IL1RAPL1: variants seen among roughly 807,000 people sequenced by gnomAD.
The protein encoded by IL1RAPL1 is interleukin-1 receptor accessory protein-like 1.
IL1RAPL1 carries 3 observed loss-of-function variants against 48.4 expected under a neutral mutation model. That is an observed-to-expected ratio of 0.06 (90% CI 0.03 to 0.16). IL1RAPL1 has a LOEUF of 0.16. IL1RAPL1 is among the 10% of genes least tolerant of loss of function. The pLI is 1.00. For synonymous variants in IL1RAPL1, 185 were observed against 187.7 expected (o/e 0.99, Z 0.12); for missense variants, 349 against 530.6 (o/e 0.66, Z 3.36).
At chrX:29,455,171 G>A (rs1179694306) in intron 5 of IL1RAPL1, among the ~76,000 whole-genome samples, 1 of 111,210 alleles carries the variant, frequency 9.0e-6, no homozygotes, top group Non-Finnish European at 1.9e-5. Flanking sequence ...CATGGCACAC[G>A]TTTACCTATG....
At chrX:29,895,768 C>T (rs1932371838) in intron 6 of IL1RAPL1, among the ~76,000 whole-genome samples, 1 of 112,069 alleles carries the variant, frequency 8.9e-6, no homozygotes, top group Admixed American at 9.5e-5. Context: ...ATTGCTGACA[C>T]ATTGAGTGTG....
intron 7 of IL1RAPL1, among the ~76,000 whole-genome samples, chrX:29,918,144 A>AAAAAAAAATATATAT (rs1555935868): frequency 1.3e-4 from 3 of 23,755 alleles, no homozygotes; most frequent in Non-Finnish European, 2.0e-4. Context: ...AAAAAAAAAA[A>AAAAAAAAATATATAT]ATATATATAT....
chrX:29,151,582 G>T (rs967443224), intron 2 of IL1RAPL1, among the ~76,000 whole-genome samples: 1 of 111,637 alleles, frequency 9.0e-6, no homozygotes, highest in Non-Finnish European at 1.9e-5. Context: ...ACCAATAAAA[G>T]GTGTGTTATC....
At chrX:29,533,561 T>C (rs374667665) in intron 5 of IL1RAPL1, among the ~76,000 whole-genome samples, 1 of 112,115 alleles carries the variant, frequency 8.9e-6, no homozygotes, top group East Asian at 2.8e-4. Flanking sequence ...CTATGAATGT[T>C]TTTGCACACT....
intron 6 of IL1RAPL1, among the ~76,000 whole-genome samples, chrX:29,897,320 C>G (rs1363656892): frequency 9.0e-6 from 1 of 110,988 alleles, no homozygotes; most frequent in African/African-American, 3.3e-5. Context: ...ATTTTTTTTT[C>G]AGGCAATATT....
Position 28,789,326 on chromosome X carries a change from G to A in IL1RAPL1, c.-18G>A, listed in dbSNP as rs1441919065. 3.5e-6 allele frequency: 4 copies of A among 1,151,009 alleles called. No individual in the cohort carries two copies. The Admixed American group carries it at 6.5e-5, about 19-fold the overall frequency. 94.9% of individuals were successfully genotyped at this position (1,151,009 alleles called of 1,213,427 possible). A position where few individuals can be genotyped will look rare whatever the true frequency, so the allele number is the denominator to read the frequency against. On this transcript the variant is annotated 5_prime_UTR_variant, in exon 2 of 11. Transcript: ENST00000378993. ...TTTTTAATCTTTGCTTTAGGGAACG[G>A]CCTTTAAGAGCTGGAAGATGAAAGC...
chrX:28,957,614 A>G (rs1306671879), intron 2 of IL1RAPL1, among the ~76,000 whole-genome samples: 2 of 109,306 alleles, frequency 1.8e-5, no homozygotes, highest in East Asian at 5.8e-4. Flanking sequence ...TATATCACTG[A>G]TTTTGAGTTT....
chrX:29,042,231 T>C (rs1230248159), intron 2 of IL1RAPL1, among the ~76,000 whole-genome samples: 2 of 111,888 alleles, frequency 1.8e-5, no homozygotes, highest in Non-Finnish European at 3.8e-5. Flanking sequence ...TAACTAAGAC[T>C]GAATGGAACT....
intron 2 of IL1RAPL1, among the ~76,000 whole-genome samples, chrX:29,246,247 G>T (rs1233942655): frequency 9.5e-6 from 1 of 104,910 alleles, no homozygotes; most frequent in African/African-American, 3.5e-5. Context: ...TTGCCAAGTG[G>T]TTAATTAGCC....
intron 1 of IL1RAPL1, among the ~76,000 whole-genome samples, chrX:28,723,076 C>T (rs1008000320): frequency 1.8e-5 from 2 of 110,950 alleles, no homozygotes; most frequent in Admixed American, 9.6e-5. Flanking sequence ...TGTCTCTACC[C>T]GGCTTTGGTA....
At chrX:29,101,839 AG>A (rs1177740646) in intron 2 of IL1RAPL1, among the ~76,000 whole-genome samples, 9 of 111,686 alleles carry the variant, frequency 8.1e-5, no homozygotes, top group Non-Finnish European at 1.7e-4. Flanking sequence ...CAGGAGGCTG[AG>A]GCAGGAGAAT....
intron 3 of IL1RAPL1, among the ~76,000 whole-genome samples, chrX:29,316,803 G>A (rs1310291808): frequency 1.8e-5 from 2 of 111,649 alleles, no homozygotes; most frequent in African/African-American, 6.5e-5. Flanking sequence ...GACCTGTAGG[G>A]GTGTGCGATT....
chrX:29,206,316 T>G (rs1372550848), intron 2 of IL1RAPL1, among the ~76,000 whole-genome samples: 4 of 111,299 alleles, frequency 3.6e-5, no homozygotes, highest in African/African-American at 1.3e-4. Flanking sequence ...GTTAATTCTG[T>G]TTTTTTTCAA....
chrX:29,505,904 G>T (rs1416767995), intron 5 of IL1RAPL1, among the ~76,000 whole-genome samples: 1 of 111,511 alleles, frequency 9.0e-6, no homozygotes, highest in Non-Finnish European at 1.9e-5. Context: ...TCTATATTTT[G>T]TGGGTGAGCT....
intron 2 of IL1RAPL1, among the ~76,000 whole-genome samples, chrX:29,094,171 C>T (rs778020994): frequency 5.4e-5 from 6 of 111,653 alleles, no homozygotes; most frequent in Non-Finnish European, 1.1e-4. Context: ...TGCATGCCCC[C>T]CTTTGGGATC....
intron 5 of IL1RAPL1, among the ~76,000 whole-genome samples, chrX:29,481,625 A>C (rs755689762): frequency 9.0e-6 from 1 of 111,726 alleles, no homozygotes; most frequent in African/African-American, 3.2e-5. Flanking sequence ...TGTTATAAAG[A>C]GAGTCCATTT....
intron 1 of IL1RAPL1, among the ~76,000 whole-genome samples, chrX:28,742,704 A>G (rs1196546697): frequency 8.9e-6 from 1 of 112,003 alleles, no homozygotes; most frequent in East Asian, 2.8e-4. Context: ...TAAGTATTCA[A>G]CAGGCACTTA....
In IL1RAPL1 at chrX:29,782,921, T is replaced by TTC. The variant is rs1297300281; in HGVS notation, c.778+114418_778+114419insCT. ...TTTTTTTTTTTTTTTTTTTTTTTTT[T>TTC]TGAGACGGAGTCTCACTCTGTCGCC... On this transcript the variant is annotated intron_variant, in intron 6 of 10. Coordinates refer to ENST00000378993, the MANE Select transcript of IL1RAPL1 (RefSeq NM_014271.4). Among the ~76,000 whole-genome samples the TTC allele has an allele frequency of 2.0e-4, 16 of 80,814 alleles. 1 individual carries two copies. The highest frequency in any genetic ancestry group is 9.6e-4 in the African/African-American group (16 of 16,714). The allele number at this position is 80,814 out of a possible 115,157, so 70.2% of individuals were successfully genotyped here.
chrX:28,837,135 T>A (rs1270695928), intron 2 of IL1RAPL1, among the ~76,000 whole-genome samples: 1 of 111,582 alleles, frequency 9.0e-6, no homozygotes, highest in Non-Finnish European at 1.9e-5. Flanking sequence ...CATTGTGGAA[T>A]GGTTAAATCA....
Sources: gnomAD v4.1 joint callset for allele counts (sites outside exome capture counted in the v4.1 genomes callset) on GRCh38, gnomAD v4.1.1 for gene constraint, MANE v1.5 for transcripts, NCBI Gene and HGNC (gene_info 2026-07-23, HGNC 2026-07-21) for gene names.